Variants in CEP295 observed in about 807,000 individuals in gnomAD.
The protein encoded by CEP295 is centrosomal protein of 295 kDa.
In CEP295, 190 loss-of-function variants were observed where a neutral mutation model predicts 291.6. That is an observed-to-expected ratio of 0.65 (90% CI 0.58 to 0.73). The LOEUF (loss-of-function observed/expected upper bound fraction) is 0.73, where lower values mean the gene tolerates loss of function less well. CEP295 is among the 30% of genes least tolerant of loss of function. The pLI is 0.00. For missense variants in CEP295, 2,863 were observed against 2,949.4 expected, an observed-to-expected ratio of 0.97 and a Z score of 0.68; for synonymous variants, 993 against 1,038.8, an observed-to-expected ratio of 0.96 and a Z score of 0.85.
intron 1 of CEP295, among the ~76,000 whole-genome samples, chr11:93,663,145 A>T (rs1950061762): frequency 6.6e-6 from 1 of 152,182 alleles, no homozygotes; most frequent in African/African-American, 2.4e-5. Flanking sequence ...TGCATTCTGA[A>T]ATCTCCATTT....
chr11:93,728,932 C>A (rs980915402), intron 25 of CEP295, 111 bp downstream of exon 25: 3 of 918,324 alleles, frequency 3.3e-6, no homozygotes, highest in Non-Finnish European at 4.8e-6. Flanking sequence ...ATGCATTTAA[C>A]TAAGCCGACA....
intron 1 of CEP295, 80 bp from the exon 2 acceptor site, chr11:93,666,602 A>C (rs980372217): frequency 6.4e-6 from 4 of 620,928 alleles, no homozygotes; most frequent in South Asian, 2.4e-5. Flanking sequence ...TCAAAAAAAA[A>C]CAAACAAAAT....
At chr11:93,695,230 A>G (rs1951790955) in intron 12 of CEP295, among the ~76,000 whole-genome samples, 2 of 152,228 alleles carry the variant, frequency 1.3e-5, no homozygotes, top group Non-Finnish European at 2.9e-5. Flanking sequence ...CTGTGCTCTC[A>G]GAAAGTAGAA....
At chr11:93,700,606 T>C (rs1055527669) in intron 15 of CEP295, among the ~76,000 whole-genome samples, 13 of 151,750 alleles carry the variant, frequency 8.6e-5, no homozygotes, top group African/African-American at 2.2e-4. Flanking sequence ...TTGTATTTTT[T>C]TTTTTTTAAT....
At chr11:93,714,696 C>G (rs1423884872) in intron 18 of CEP295, among the ~76,000 whole-genome samples, 1 of 152,226 alleles carries the variant, frequency 6.6e-6, no homozygotes, top group Non-Finnish European at 1.5e-5. Context: ...GGGGATACCC[C>G]AAGCTCAGTA....
At chr11:93,714,501 G>T (rs1448718372) in intron 18 of CEP295, among the ~76,000 whole-genome samples, 2 of 152,114 alleles carry the variant, frequency 1.3e-5, no homozygotes, top group African/African-American at 4.8e-5. Context: ...CACCCGCCTC[G>T]GCCTCCCAAA....
intron 16 of CEP295, 38 bp from the exon 17 acceptor site, chr11:93,702,738 A>G: frequency 6.5e-7 from 1 of 1,547,608 alleles, no homozygotes; most frequent in Non-Finnish European, 8.7e-7. Flanking sequence ...ATGTTAATAG[A>G]TTTTGTATTG....
In CEP295 at chr11:93,698,423, C is replaced by T; in HGVS notation, c.3511C>T (p.Gln1171Ter). 6.4e-7 allele frequency: 1 copy of T among 1,552,034 alleles called. No homozygotes were observed. The highest frequency in any genetic ancestry group is 8.7e-7 in the Non-Finnish European group (1 of 1,147,032). ...ENLTILQEQSQIQRVILGAKE... is the reference protein window; with the variant it reads ...ENLTILQEQS ...TTTGACAATACTCCAAGAACAGTCA[C>T]AAATACAAAGGGTAATACTTGGTGC... The change falls in exon 15 of 30, where the codon CAA (glutamine) becomes TAA (stop). Residue 1171 changes from glutamine to a stop codon, truncating the protein, a stop_gained. Coordinates refer to ENST00000325212, the MANE Select transcript of CEP295 (RefSeq NM_033395.2). LOFTEE classifies it high-confidence loss of function.
Position 93,696,653 on chromosome 11 carries a change from CA to C in CEP295, c.1770-27del, listed in dbSNP as rs1244528367. 2.0e-6 allele frequency: 3 copies of C among 1,494,308 alleles called. No homozygotes were observed. The East Asian group carries it at 7.4e-5, about 37-fold the overall frequency. The allele number at this position is 1,494,308 out of a possible 1,614,324, so 92.6% of individuals were successfully genotyped here. A position where few individuals can be genotyped will look rare whatever the true frequency, so the allele number is the denominator to read the frequency against. On this transcript the variant is annotated intron_variant, in intron 14 of 29. Coordinates refer to ENST00000325212, the MANE Select transcript of CEP295 (RefSeq NM_033395.2). ...GGGCTTTTTATTTTTCATTAAAAAA[CA>C]ATAATTGTTTGCTTTTGTTTTTGGT...
intron 20 of CEP295, 138 bp from the exon 21 acceptor site, chr11:93,722,903 G>T (rs1403350445): frequency 8.0e-6 from 5 of 622,064 alleles, no homozygotes; most frequent in African/African-American, 1.9e-5. Flanking sequence ...TAGAGATGGG[G>T]TTTCACCATG....
intron 4 of CEP295, among the ~76,000 whole-genome samples, chr11:93,669,446 A>G (rs1354043296): frequency 6.7e-6 from 1 of 149,740 alleles, no homozygotes; most frequent in Non-Finnish European, 1.5e-5. Flanking sequence ...AGAACATTAT[A>G]AGTTTCTTGG....
At chr11:93,691,574 A>C (rs2135044151) in intron 10 of CEP295, 109 bp from the exon 11 acceptor site, 1 of 668,684 alleles carries the variant, frequency 1.5e-6, no homozygotes. Context: ...ACTAGATGAG[A>C]CATTCAGATG....
intron 25 of CEP295, 123 bp downstream of exon 25, chr11:93,728,944 C>T (rs1591181642): frequency 1.3e-6 from 1 of 750,462 alleles, no homozygotes; most frequent in South Asian, 2.0e-5. Flanking sequence ...AAGCCGACAC[C>T]CCCACCAGCT....
rs571722470 is a variant in CEP295, at chr11:93,683,783, C to T, written c.949+41C>T. ...TAGGGCTTTCAATAGTGATTTTATA[C>T]GTTTTGGTGGGAAAATATGTTTGTA... On this transcript the variant is annotated intron_variant, in intron 8 of 29. Coordinates refer to ENST00000325212, the MANE Select transcript of CEP295 (RefSeq NM_033395.2). The T allele has an allele frequency of 3.7e-5, 55 of 1,497,436 alleles. 2 individuals carry two copies. The South Asian group carries it at 5.5e-4, about 15-fold the overall frequency. The allele number at this position is 1,497,436 out of a possible 1,614,324, so 92.8% of individuals were successfully genotyped here.
At chr11:93,671,581 G>A (rs149095543) in intron 5 of CEP295, among the ~76,000 whole-genome samples, 1 of 152,088 alleles carries the variant, frequency 6.6e-6, no homozygotes, top group East Asian at 1.9e-4. Context: ...CTAAGATCTG[G>A]GTGATTATAT....
chr11:93,681,007 T>C (rs1195058462), intron 7 of CEP295, among the ~76,000 whole-genome samples: 2 of 152,232 alleles, frequency 1.3e-5, no homozygotes, highest in African/African-American at 2.4e-5. Context: ...AATAACTGAA[T>C]GTCTGAATTA....
At chr11:93,663,353 TC>T in intron 1 of CEP295, among the ~76,000 whole-genome samples, 1 of 152,252 alleles carries the variant, frequency 6.6e-6, no homozygotes, top group East Asian at 1.9e-4. Flanking sequence ...TTTTATCAGC[TC>T]CCTCCCATTT....
At chr11:93,694,272 C>A (rs1394273567) in intron 12 of CEP295, among the ~76,000 whole-genome samples, 1 of 152,110 alleles carries the variant, frequency 6.6e-6, no homozygotes, top group Non-Finnish European at 1.5e-5. Flanking sequence ...GTAGAGTAGT[C>A]CCTGCTTATC....
chr11:93,730,239 A>G lies in CEP295; in HGVS notation c.7776A>G (p.Leu2592=), dbSNP rs1013451098. 1.1e-5 allele frequency: 17 copies of G among 1,551,130 alleles called. No homozygotes were observed. Among genetic ancestry groups the G allele is most frequent in the South Asian group, 3.6e-5 (3 of 84,048 alleles). The change falls in exon 30 of 30, where the codon CTA becomes CTG. Residue 2592 remains leucine (L), a synonymous_variant. Coordinates refer to ENST00000325212, the MANE Select transcript of CEP295 (RefSeq NM_033395.2). The part of the protein sequence containing the change: ...ARAKEFHKKT[L]EKLRAKNTC ...TTTTATTCCTTCCACAGAAAACACT[A>G]GAGAAACTTCGAGCCAAAAATACAT... is the stretch of plus-strand genomic sequence containing the variant.
Sources: allele counts gnomAD v4.1 joint callset (sites outside exome capture counted in the v4.1 genomes callset), GRCh38; gene constraint gnomAD v4.1.1; transcripts MANE v1.5; gene names NCBI Gene and HGNC (gene_info 2026-07-23, HGNC 2026-07-21).